Variants in NACC1 observed in about 807,000 individuals in gnomAD.
The protein encoded by NACC1 is nucleus accumbens-associated protein 1.
A neutral mutation model predicts 41.7 loss-of-function variants in NACC1; 6 were observed. The observed-to-expected ratio is 0.14, with a 90% CI of 0.08 to 0.28. NACC1 has a LOEUF of 0.28. Ranked by LOEUF, NACC1 falls within the 10% of genes least tolerant of loss-of-function variation. NACC1 has a pLI of 1.00. For synonymous variants in NACC1, 338 were observed against 330.6 expected, an observed-to-expected ratio of 1.02 and a Z score of -0.24; for missense variants, 434 against 763.7, an observed-to-expected ratio of 0.57 and a Z score of 5.09.
chr19:13,122,343 C>T (rs2019506522), intron 1 of NACC1, among the ~76,000 whole-genome samples: 1 of 151,970 alleles, frequency 6.6e-6, no homozygotes, highest in Non-Finnish European at 1.5e-5. Context: ...TCACACTTAG[C>T]ACCACCCCTG....
rs1182067077 is a variant in NACC1 at position 13,136,197 on chromosome 19, C to G, written c.947-35C>G. The G allele has an allele frequency of 3.1e-6, 5 of 1,604,216 alleles. No individual in the cohort carries two copies. Among genetic ancestry groups the G allele is most frequent in the Non-Finnish European group, 4.3e-6 (5 of 1,174,198 alleles). ...CCCCATCCCACCAGCCACCCCTGCT[C>G]CTCCTGCCACTCGCGTGCCACTCTC... On this transcript the variant is annotated intron_variant, in intron 2 of 5. Transcript: ENST00000292431. This position sits in a 1 kb window ranked among gnomAD's most constrained non-coding sequence, Gnocchi z 5.5.
intron 1 of NACC1, among the ~76,000 whole-genome samples, chr19:13,120,098 G>A (rs1344231319): frequency 1.3e-5 from 2 of 152,168 alleles, no homozygotes; most frequent in Admixed American, 6.5e-5. Flanking sequence ...CACCCCGGGG[G>A]ATGGGTCAAT....
At chr19:13,134,519 CA>C (rs906418143) in intron 1 of NACC1, among the ~76,000 whole-genome samples, 4 of 152,176 alleles carry the variant, frequency 2.6e-5, no homozygotes, top group Non-Finnish European at 5.9e-5. Context: ...TACATACCCA[CA>C]CCACCTTACC....
rs1174861842 is a variant in NACC1 at position 13,135,876 on chromosome 19, A to G, written c.669A>G (p.Gln223=). The G allele has an allele frequency of 2.6e-6, 4 of 1,558,124 alleles. No homozygotes were observed. Among genetic ancestry groups the G allele is most frequent in the South Asian group, 2.3e-5 (2 of 85,386 alleles). ...ANRPHQPPPP[Q]QAPVVAAAQP... The stretch of plus-strand genomic sequence containing the variant: ...GGCCTCACCAGCCCCCGCCACCCCA[A>G]CAGGCTCCGGTGGTGGCAGCAGCCC... The change falls in exon 2 of 6, where the codon CAA becomes CAG. Residue 223 remains glutamine, a synonymous_variant. Transcript: ENST00000292431.
upstream of NACC1, among the ~76,000 whole-genome samples, chr19:13,117,922 C>G (rs2019413681): frequency 6.6e-6 from 1 of 152,160 alleles, no homozygotes; most frequent in Non-Finnish European, 1.5e-5. Context: ...TTTAAACGAG[C>G]TAATTCCCAT....
chr19:13,130,929 C>T (rs2019627411), intron 1 of NACC1, among the ~76,000 whole-genome samples: 2 of 152,134 alleles, frequency 1.3e-5, no homozygotes, highest in African/African-American at 4.8e-5. Context: ...TGTCCCATAC[C>T]CTTCCTGGCA....
upstream of NACC1, chr19:13,118,200 G>GCGGGGC (rs915661665): frequency 1.3e-5 from 2 of 150,966 alleles, no homozygotes; most frequent in Non-Finnish European, 3.0e-5. Context: ...CGGTGCGCGG[G>GCGGGGC]CGGGGCCGGG....
At position 13,135,653 on chromosome 19, in the gene NACC1, A is replaced by G; in HGVS notation, c.446A>G (p.Gln149Arg). The change falls in exon 2 of 6, where the codon CAG becomes CGG. Residue 149 changes from glutamine to arginine, a missense_variant. This residue lies in a region of NACC1 where 234 missense variants were observed against 308.3 expected (regional missense o/e 0.76). Coordinates refer to ENST00000292431, the MANE Select transcript of NACC1 (RefSeq NM_052876.4). ...PSSEPQSPVA[Q>R]TSGWPACSTP... is the part of the protein sequence containing the mutation. ...TCGGAGCCCCAGAGCCCCGTGGCGC[A>G]GACATCGGGCTGGCCAGCCTGTAGC... The G allele has an allele frequency of 6.4e-7, 1 of 1,561,778 alleles. No individual in the cohort carries two copies. The highest frequency in any genetic ancestry group is 8.6e-7 in the Non-Finnish European group (1 of 1,157,498).
At chr19:13,130,670 G>A (rs1269545827) in intron 1 of NACC1, among the ~76,000 whole-genome samples, 4 of 151,716 alleles carry the variant, frequency 2.6e-5, no homozygotes, top group Non-Finnish European at 5.9e-5. Context: ...TGAGTAGCTG[G>A]AACTACAGAT....
intron 1 of NACC1, among the ~76,000 whole-genome samples, chr19:13,132,194 T>G (rs2019641200): frequency 6.6e-6 from 1 of 151,064 alleles, no homozygotes; most frequent in Non-Finnish European, 1.5e-5. Flanking sequence ...GGCAGGTGGA[T>G]CATTTGAGGT....
intron 1 of NACC1, among the ~76,000 whole-genome samples, chr19:13,126,125 C>G (rs566825086): frequency 6.6e-6 from 1 of 151,950 alleles, no homozygotes; most frequent in East Asian, 1.9e-4. Flanking sequence ...CTCACCGCAA[C>G]CTTCGCCTCC....
intron 1 of NACC1, among the ~76,000 whole-genome samples, chr19:13,122,375 C>T (rs1333029994): frequency 6.6e-6 from 1 of 152,154 alleles, no homozygotes; most frequent in Non-Finnish European, 1.5e-5. Flanking sequence ...AGACTCTGGG[C>T]AAAGGTCTTT....
intron 1 of NACC1, among the ~76,000 whole-genome samples, chr19:13,131,410 C>T (rs2019632842): frequency 6.6e-6 from 1 of 152,188 alleles, no homozygotes; most frequent in South Asian, 2.1e-4. Context: ...ATGTGGGCCC[C>T]AGTACCAGGG....
At chr19:13,118,958 G>C (rs1335162484) in intron 1 of NACC1, among the ~76,000 whole-genome samples, 1 of 151,984 alleles carries the variant, frequency 6.6e-6, no homozygotes, top group African/African-American at 2.4e-5. Flanking sequence ...GGGCGGCTGA[G>C]GAGAAGCCCA....
At position 13,139,234 on chromosome 19, in the gene NACC1, G is replaced by A. The variant is rs1488555165; in HGVS notation, c.*828G>A. 6.6e-6 allele frequency: 1 copy of A among 152,148 alleles called. No individual in the cohort carries two copies. Among genetic ancestry groups the A allele is most frequent in the African/African-American group, 2.4e-5 (1 of 41,404 alleles). 9.4% of individuals were successfully genotyped at this position (152,148 alleles called of 1,614,324 possible). Reference sequence around the variant, plus strand: ...TACAAGAGGCAGTAGGACCTGGGTTGGAACCCAGGGGAGCAGACTGGGGGG... The same window carrying A: ...TACAAGAGGCAGTAGGACCTGGGTTAGAACCCAGGGGAGCAGACTGGGGGG... On this transcript the variant is annotated 3_prime_UTR_variant, in exon 6 of 6. Coordinates refer to ENST00000292431, the MANE Select transcript of NACC1 (RefSeq NM_052876.4).
At position 13,137,066 on chromosome 19, in the gene NACC1, C is replaced by G. The variant is rs1568386279; in HGVS notation, c.1121-205C>G. Among the ~76,000 whole-genome samples the G allele has an allele frequency of 6.6e-6, 1 of 152,192 alleles. No individual in the cohort carries two copies. Among genetic ancestry groups the G allele is most frequent in the East Asian group, 1.9e-4 (1 of 5,184 alleles). Reference sequence around the variant, plus strand: ...AACCCTTTCTGTCCTTTCCTGAGCACTGATGAGGTTGGGGGAGCCCCAAGG... The same window carrying G: ...AACCCTTTCTGTCCTTTCCTGAGCAGTGATGAGGTTGGGGGAGCCCCAAGG... On this transcript the variant is annotated intron_variant, in intron 3 of 5. Transcript: ENST00000292431. This position sits in a 1 kb window ranked among gnomAD's most constrained non-coding sequence, Gnocchi z 6.1.
At chr19:13,131,017 C>A (rs1193444487) in intron 1 of NACC1, among the ~76,000 whole-genome samples, 1 of 152,132 alleles carries the variant, frequency 6.6e-6, no homozygotes, top group Admixed American at 6.5e-5. Context: ...ACCTTCCCGC[C>A]CAGAAGTGTT....
At chr19:13,126,022 C>T (rs1041787477) in intron 1 of NACC1, among the ~76,000 whole-genome samples, 3 of 151,478 alleles carry the variant, frequency 2.0e-5, no homozygotes, top group Non-Finnish European at 4.4e-5. Flanking sequence ...CAGGCGTGAA[C>T]CACCATACCT....
intron 1 of NACC1, among the ~76,000 whole-genome samples, chr19:13,130,385 ACT>A (rs1374250674): frequency 6.6e-6 from 1 of 152,066 alleles, no homozygotes; most frequent in African/African-American, 2.4e-5. Flanking sequence ...GCCTCTCTGC[ACT>A]GTTCTTTAAC....
Sources: allele counts gnomAD v4.1 joint callset (sites outside exome capture counted in the v4.1 genomes callset), GRCh38; gene constraint gnomAD v4.1.1; regional missense constraint gnomAD v4.1.1; non-coding constraint Gnocchi (gnomAD v3.1); transcripts MANE v1.5; gene names NCBI Gene and HGNC (gene_info 2026-07-23, HGNC 2026-07-21).